The following CACNA2D3 variants were observed in gnomAD, a reference collection of about 807,000 sequenced individuals.
CACNA2D3 encodes the protein calcium voltage-gated channel auxiliary subunit alpha2delta 3.
CACNA2D3 carries 60 observed loss-of-function variants against 160.6 expected under a neutral mutation model. The ratio of observed to expected loss-of-function variants is 0.37; its 90% CI spans 0.30 to 0.46. CACNA2D3 has a LOEUF of 0.46. CACNA2D3 is among the 20% of genes least tolerant of loss of function. The probability of loss-of-function intolerance (pLI) is 1.00; values close to 1 mark genes in which losing one functional copy is unlikely to be tolerated. For synonymous variants in CACNA2D3, 558 were observed against 492.9 expected, an observed-to-expected ratio of 1.13 and a Z score of -1.75; for missense variants, 1,205 against 1,365.0, an observed-to-expected ratio of 0.88 and a Z score of 1.85.
chr3:54,970,049 T>C (rs148087466), intron 29 of CACNA2D3, among the ~76,000 whole-genome samples: 2 of 152,282 alleles, frequency 1.3e-5, no homozygotes, highest in African/African-American at 4.8e-5. Flanking sequence ...CAGCTGGAAA[T>C]GTGCTTTAAA....
chr3:54,830,660 G>T (rs1176279814), intron 14 of CACNA2D3, among the ~76,000 whole-genome samples: 1 of 151,954 alleles, frequency 6.6e-6, no homozygotes, highest in Non-Finnish European at 1.5e-5. Context: ...TCGCCACGTT[G>T]GCCAAGCTGG....
intron 2 of CACNA2D3, among the ~76,000 whole-genome samples, chr3:54,244,301 G>A (rs1385394020): frequency 6.6e-6 from 1 of 152,182 alleles, no homozygotes; most frequent in Non-Finnish European, 1.5e-5. Context: ...GCAAGCAGCT[G>A]GTGTTGGAGG....
chr3:54,705,140 A>G (rs1001656026), intron 11 of CACNA2D3, among the ~76,000 whole-genome samples: 2 of 152,194 alleles, frequency 1.3e-5, no homozygotes, highest in African/African-American at 4.8e-5. Context: ...GAAATATTTC[A>G]AATGTACTGA....
intron 4 of CACNA2D3, among the ~76,000 whole-genome samples, chr3:54,464,419 G>A (rs1198277173): frequency 2.0e-5 from 3 of 152,226 alleles, no homozygotes; most frequent in African/African-American, 7.2e-5. Context: ...AGCTGTGGTG[G>A]GCTCCACCCA....
In CACNA2D3 at chr3:55,040,385, A is replaced by C. The variant is rs527488837; in HGVS notation, c.2987+22068A>C. On this transcript the variant is annotated intron_variant, in intron 35 of 37. Coordinates refer to ENST00000474759, the MANE Select transcript of CACNA2D3 (RefSeq NM_018398.3). ...GCATAATAATTATTTAAGCTACAAC[A>C]TACAAAAATAATATTCAAATATCCA... is the stretch of plus-strand genomic sequence containing the variant. 4.0e-3 allele frequency among the ~76,000 whole-genome samples: 608 copies of C among 152,344 alleles called. 5 individuals carry two copies. Among genetic ancestry groups the C allele is most frequent in the Middle Eastern group, 6.8e-3 (2 of 294 alleles).
intron 13 of CACNA2D3, among the ~76,000 whole-genome samples, chr3:54,781,164 AAAG>A (rs1702528462): frequency 6.6e-6 from 1 of 152,232 alleles, no homozygotes; most frequent in Non-Finnish European, 1.5e-5. Context: ...CAAACTTGGA[AAAG>A]AAGATTAGTG....
Position 54,135,089 on chromosome 3 carries a change from C to A in CACNA2D3, c.204+11495C>A, listed in dbSNP as rs553979986. Among the ~76,000 whole-genome samples the A allele has an allele frequency of 1.3e-4, 20 of 152,262 alleles. No homozygotes were observed. The South Asian group carries it at 4.2e-3, about 32-fold the overall frequency. ...AGAAATGTGAATTTTAATTTCTGTT[C>A]CCTTCGCCTTCACATGGGGTTGAGG... On this transcript the variant is annotated intron_variant, in intron 2 of 37. Coordinates refer to ENST00000474759, the MANE Select transcript of CACNA2D3 (RefSeq NM_018398.3).
At chr3:54,375,874 T>C (rs923970616) in intron 3 of CACNA2D3, among the ~76,000 whole-genome samples, 1 of 151,562 alleles carries the variant, frequency 6.6e-6, no homozygotes, top group Non-Finnish European at 1.5e-5. Context: ...GGGGAGAGGG[T>C]GACAAAAGTA....
intron 13 of CACNA2D3, among the ~76,000 whole-genome samples, chr3:54,766,140 C>CA (rs374584026): frequency 8.6e-4 from 129 of 150,748 alleles, no homozygotes; most frequent in Non-Finnish European, 1.3e-3. Context: ...TTATCAACAA[C>CA]AAAAAAAAAC....
intron 2 of CACNA2D3, among the ~76,000 whole-genome samples, chr3:54,165,136 T>TTTTAAA (rs1700426817): frequency 7.1e-6 from 1 of 141,180 alleles, no homozygotes; most frequent in African/African-American, 3.0e-5. Context: ...TTTTTTTTTG[T>TTTTAAA]CAAACAAGAT....
intron 2 of CACNA2D3, among the ~76,000 whole-genome samples, chr3:54,141,080 T>TGTGTGTGTGTGTGTGC (rs1553731270): frequency 8.0e-6 from 1 of 125,326 alleles, no homozygotes; most frequent in Non-Finnish European, 1.6e-5. Context: ...TGTGTGTGTG[T>TGTGTGTGTGTGTGTGC]GTGTGTGCGC....
chr3:54,533,120 C>G (rs1471197939), intron 5 of CACNA2D3, among the ~76,000 whole-genome samples: 1 of 152,100 alleles, frequency 6.6e-6, no homozygotes, highest in African/African-American at 2.4e-5. Context: ...TCCCATCTGT[C>G]CTTTTCCTGT....
At chr3:54,464,570 C>T (rs1302885716) in intron 4 of CACNA2D3, among the ~76,000 whole-genome samples, 1 of 152,178 alleles carries the variant, frequency 6.6e-6, no homozygotes, top group Non-Finnish European at 1.5e-5. Context: ...GCGTAGGACC[C>T]TCCGAGCCAA....
At chr3:54,376,754 T>C (rs1404582103) in intron 3 of CACNA2D3, among the ~76,000 whole-genome samples, 6 of 152,148 alleles carry the variant, frequency 3.9e-5, no homozygotes, top group Admixed American at 2.0e-4. Flanking sequence ...CCAAGAACAT[T>C]GGCTCAGAGA....
At chr3:54,756,239 A>G (rs1701967547) in intron 12 of CACNA2D3, among the ~76,000 whole-genome samples, 1 of 152,014 alleles carries the variant, frequency 6.6e-6, no homozygotes, top group South Asian at 2.1e-4. Flanking sequence ...GCCCTTCTTG[A>G]TCGTTTCATC....
chr3:54,873,088 GTTCT>G (rs1699577228), intron 18 of CACNA2D3, among the ~76,000 whole-genome samples: 1 of 152,004 alleles, frequency 6.6e-6, no homozygotes, highest in Non-Finnish European at 1.5e-5. Context: ...TTTATTTTGT[GTTCT>G]TTGTTTTATT....
At chr3:55,046,101 C>T (rs201364564) in intron 35 of CACNA2D3, among the ~76,000 whole-genome samples, 16 of 147,844 alleles carry the variant, frequency 1.1e-4, no homozygotes, top group South Asian at 6.5e-4. Flanking sequence ...TTTTTTTTAA[C>T]GTCTTTTTTT....
chr3:54,918,651 C>T, intron 27 of CACNA2D3: 2 of 1,614,180 alleles, frequency 1.2e-6, no homozygotes, highest in South Asian at 2.2e-5. Flanking sequence ...TGGCATGACG[C>T]AGGTTGGCCG....
intron 13 of CACNA2D3, among the ~76,000 whole-genome samples, chr3:54,766,913 A>G (rs1299140406): frequency 6.6e-6 from 1 of 151,206 alleles, no homozygotes; most frequent in Non-Finnish European, 1.5e-5. Context: ...AAGAAGATAG[A>G]TATGTAATTA....
Sources: allele counts gnomAD v4.1 joint callset (sites outside exome capture counted in the v4.1 genomes callset), GRCh38; gene constraint gnomAD v4.1.1; transcripts MANE v1.5; gene names NCBI Gene and HGNC (gene_info 2026-07-23, HGNC 2026-07-21).